The following CNTN5 variants were observed in gnomAD, a reference collection of about 807,000 sequenced individuals.
The protein encoded by CNTN5 is contactin-5.
Under a neutral mutation model 129.1 loss-of-function variants are expected in CNTN5, and 77 were observed. That is an observed-to-expected ratio of 0.60 (90% CI 0.50 to 0.72). CNTN5 has a LOEUF of 0.72. CNTN5 is among the 30% of genes least tolerant of loss of function. The pLI is 0.00. For missense variants in CNTN5, 1,478 were observed against 1,328.8 expected, an observed-to-expected ratio of 1.11 and a Z score of -1.75; for synonymous variants, 509 against 465.6, an observed-to-expected ratio of 1.09 and a Z score of -1.20.
intron 2 of CNTN5, among the ~76,000 whole-genome samples, chr11:99,497,444 T>A (rs192222168): frequency 6.6e-6 from 1 of 152,042 alleles, no homozygotes; most frequent in Middle Eastern, 3.2e-3. Context: ...GTAACCCAGA[T>A]AGAAAATTCC....
At chr11:100,342,732 G>T (rs985096473) in intron 23 of CNTN5, among the ~76,000 whole-genome samples, 3 of 152,126 alleles carry the variant, frequency 2.0e-5, no homozygotes, top group Non-Finnish European at 2.9e-5. Flanking sequence ...TAGAATGGAT[G>T]ACTAACGTTG....
At chr11:99,266,464 T>A (rs969012626) in intron 1 of CNTN5, among the ~76,000 whole-genome samples, 1 of 152,014 alleles carries the variant, frequency 6.6e-6, no homozygotes, top group South Asian at 2.1e-4. Flanking sequence ...TATCCAGGCA[T>A]GGTGGCATGC....
intron 15 of CNTN5, among the ~76,000 whole-genome samples, chr11:100,196,199 A>T (rs58202230): frequency 0.022 from 3,297 of 152,110 alleles, 115 homozygotes; most frequent in African/African-American, 0.075. Context: ...TGTCCAGGCT[A>T]ACTGTCCTGG....
At chr11:100,291,945 C>T (rs949631935) in intron 18 of CNTN5, among the ~76,000 whole-genome samples, 1 of 151,796 alleles carries the variant, frequency 6.6e-6, no homozygotes, top group Admixed American at 6.6e-5. Flanking sequence ...CCACTATGCT[C>T]AATGTGATCC....
chr11:99,572,729 A>G (rs1258546170), intron 3 of CNTN5, among the ~76,000 whole-genome samples: 1 of 148,194 alleles, frequency 6.7e-6, no homozygotes, highest in Non-Finnish European at 1.5e-5. Context: ...TAAAAGTTTT[A>G]TTTTATTTTG....
At chr11:100,129,407 A>AT (rs1267034174) in intron 13 of CNTN5, among the ~76,000 whole-genome samples, 1 of 152,044 alleles carries the variant, frequency 6.6e-6, no homozygotes, top group African/African-American at 2.4e-5. Context: ...TTCTATGACC[A>AT]TTTTTCTATG....
intron 4 of CNTN5, among the ~76,000 whole-genome samples, chr11:99,828,626 A>T (rs1947043233): frequency 6.6e-6 from 1 of 152,256 alleles, no homozygotes; most frequent in Admixed American, 6.5e-5. Context: ...AAAGTTAATT[A>T]TCAATGAATA....
chr11:99,880,284 A>G (rs1948738382), intron 6 of CNTN5, among the ~76,000 whole-genome samples: 1 of 152,212 alleles, frequency 6.6e-6, no homozygotes, highest in South Asian at 2.1e-4. Context: ...AATGTTTTGT[A>G]ATTCACAGAG....
intron 2 of CNTN5, among the ~76,000 whole-genome samples, chr11:99,428,559 CAA>C (rs60754666): frequency 4.9e-4 from 28 of 57,266 alleles, no homozygotes; most frequent in Non-Finnish European, 7.9e-4. Context: ...GACCCTGTCT[CAA>C]AAAAAAAAAA....
intron 1 of CNTN5, among the ~76,000 whole-genome samples, chr11:99,147,639 C>T (rs1859852784): frequency 1.3e-5 from 2 of 152,228 alleles, no homozygotes; most frequent in African/African-American, 2.4e-5. Flanking sequence ...GTCCTTTTCC[C>T]TACCAGGACA....
intron 6 of CNTN5, among the ~76,000 whole-genome samples, chr11:99,894,056 T>G (rs1448986574): frequency 6.6e-6 from 1 of 152,122 alleles, no homozygotes; most frequent in African/African-American, 2.4e-5. Context: ...TGGCATTCTT[T>G]TATTAAGCAA....
At chr11:100,050,667 A>G (rs1467704672) in intron 9 of CNTN5, among the ~76,000 whole-genome samples, 2 of 151,916 alleles carry the variant, frequency 1.3e-5, no homozygotes, top group African/African-American at 2.4e-5. Flanking sequence ...AAAAGACCTT[A>G]TAATATACTA....
chr11:99,784,384 G>T (rs1216514532), intron 3 of CNTN5, among the ~76,000 whole-genome samples: 3 of 151,852 alleles, frequency 2.0e-5, no homozygotes, highest in Non-Finnish European at 4.4e-5. Context: ...CCATTTATGA[G>T]TGAGAACATG....
At position 100,316,417 on chromosome 11, in the gene CNTN5, G is replaced by T. The variant is rs150673744; in HGVS notation, c.2730+7949G>T. Among the ~76,000 whole-genome samples, 435 of 152,194 alleles carry T rather than the reference G, an allele frequency of 2.9e-3. 3 individuals carry two copies. The highest frequency in any genetic ancestry group is 9.8e-3 in the African/African-American group (407 of 41,548). ...TGAGGGAGGTTTATGGGAAGTTGAA[G>T]TAAACAAAAAAGAAATACGTTGGAA... is the stretch of plus-strand genomic sequence containing the variant. On this transcript the variant is annotated intron_variant, in intron 21 of 24. Coordinates refer to ENST00000524871, the MANE Select transcript of CNTN5 (RefSeq NM_014361.4).
chr11:99,499,065 A>C (rs541553941), intron 2 of CNTN5, among the ~76,000 whole-genome samples: 89 of 152,232 alleles, frequency 5.8e-4, no homozygotes, highest in African/African-American at 2.1e-3. Flanking sequence ...TTTCTTTCTC[A>C]ATCAAAAGCA....
At chr11:99,324,852 A>G (rs1314683739) in intron 1 of CNTN5, among the ~76,000 whole-genome samples, 2 of 152,154 alleles carry the variant, frequency 1.3e-5, no homozygotes. Context: ...CGTGTTAGCC[A>G]GGATGGTCTC....
intron 15 of CNTN5, among the ~76,000 whole-genome samples, chr11:100,194,872 A>G (rs1053594660): frequency 9.2e-5 from 14 of 151,988 alleles, no homozygotes; most frequent in Non-Finnish European, 1.9e-4. Flanking sequence ...ACTTTCTTCA[A>G]AACTATTCCT....
chr11:100,145,719 C>G lies in CNTN5; in HGVS notation c.1581-45407C>G, dbSNP rs114987810. On this transcript the variant is annotated intron_variant, in intron 13 of 24. Transcript: ENST00000524871. The stretch of plus-strand genomic sequence containing the variant: ...GCTTTTGGCTACATGGCCTGAAATT[C>G]CAGGGACTCTAGGGATTTAGGTCTC... Among the ~76,000 whole-genome samples, 1,378 of 152,140 alleles carry G rather than the reference C, an allele frequency of 9.1e-3. 22 individuals are homozygous for G. The highest frequency in any genetic ancestry group is 0.032 in the African/African-American group (1,315 of 41,500).
chr11:99,905,983 T>C (rs1438597673), intron 6 of CNTN5, among the ~76,000 whole-genome samples: 3 of 152,218 alleles, frequency 2.0e-5, no homozygotes, highest in African/African-American at 4.8e-5. Flanking sequence ...TTTTTGCACA[T>C]TGATTTTGTA....
Sources: gnomAD v4.1 joint callset for allele counts (sites outside exome capture counted in the v4.1 genomes callset) on GRCh38, gnomAD v4.1.1 for gene constraint, MANE v1.5 for transcripts, NCBI Gene and HGNC (gene_info 2026-07-23, HGNC 2026-07-21) for gene names.